The following GOLGA4 variants were observed in gnomAD, a reference collection of about 807,000 sequenced individuals.
GOLGA4 encodes golgin A4, also known as golgin subfamily A member 4.
A neutral mutation model predicts 265.9 loss-of-function variants in GOLGA4; 169 were observed. That is an observed-to-expected ratio of 0.64 (90% CI 0.56 to 0.72). The LOEUF (loss-of-function observed/expected upper bound fraction) is 0.72, where lower values mean the gene tolerates loss of function less well. Among genes scored for constraint, GOLGA4 ranks in the 30% least tolerant of loss-of-function variants. The probability of loss-of-function intolerance (pLI) is 0.00; values close to 1 mark genes in which losing one functional copy is unlikely to be tolerated. For missense variants in GOLGA4, 2,482 were observed against 2,483.4 expected (o/e 1.00, Z 0.01); for synonymous variants, 923 against 855.8 (o/e 1.08, Z -1.37).
rs2096982023 is a variant in GOLGA4, at chr3:37,329,148, A to G, written c.6192+55A>G. The G allele has an allele frequency of 5.0e-6, 7 of 1,397,004 alleles. 1 individual carries two copies. In the South Asian group the frequency reaches 9.7e-5, roughly 19 times the overall value. 86.5% of individuals were successfully genotyped at this position (1,397,004 alleles called of 1,614,324 possible). A position where few individuals can be genotyped will look rare whatever the true frequency, so the allele number is the denominator to read the frequency against. ...TTGAAATTTAGCTGTAATAGATTTC[A>G]TGGTAGTGCCAAAGATTTCCTTTTC... On this transcript the variant is annotated intron_variant, in intron 16 of 23. Transcript: ENST00000361924.
chr3:37,350,404 C>T (rs2097070147), intron 21 of GOLGA4, among the ~76,000 whole-genome samples: 1 of 152,134 alleles, frequency 6.6e-6, no homozygotes, highest in Admixed American at 6.6e-5. Context: ...CTTGTGCATG[C>T]ATGTATATGT....
chr3:37,322,812 T>G (rs569164764), intron 13 of GOLGA4, among the ~76,000 whole-genome samples: 1 of 152,140 alleles, frequency 6.6e-6, no homozygotes, highest in South Asian at 2.1e-4. Flanking sequence ...AAAATTCATA[T>G]AAGTTCCTTC....
chr3:37,258,918 T>A (rs572128645), intron 2 of GOLGA4, among the ~76,000 whole-genome samples: 1 of 152,298 alleles, frequency 6.6e-6, no homozygotes, highest in Admixed American at 6.5e-5. Context: ...TGTGTCTATA[T>A]TCATAAGAGA....
intron 9 of GOLGA4, among the ~76,000 whole-genome samples, chr3:37,301,608 GTAA>G (rs1218673457): frequency 2.0e-5 from 3 of 152,144 alleles, no homozygotes; most frequent in Admixed American, 6.5e-5. Flanking sequence ...AATCTTTTAA[GTAA>G]TAATGTTTTA....
chr3:37,311,154 A>AT (rs2096922221), intron 10 of GOLGA4, among the ~76,000 whole-genome samples: 1 of 152,122 alleles, frequency 6.6e-6, no homozygotes, highest in East Asian at 1.9e-4. Flanking sequence ...CTTTAAACAT[A>AT]GTGATGAGAC....
intron 10 of GOLGA4, among the ~76,000 whole-genome samples, chr3:37,314,565 C>T (rs933777208): frequency 4.0e-5 from 6 of 151,552 alleles, no homozygotes; most frequent in Non-Finnish European, 5.9e-5. Flanking sequence ...TGCTTGAACC[C>T]GCGAGGCAGA....
intron 17 of GOLGA4, among the ~76,000 whole-genome samples, chr3:37,336,450 T>A (rs1236525619): frequency 2.0e-5 from 3 of 152,042 alleles, no homozygotes; most frequent in Non-Finnish European, 4.4e-5. Flanking sequence ...CCTTGTGTCC[T>A]AAGAAAGGTA....
intron 1 of GOLGA4, chr3:37,250,579 CT>C (rs2096731130): frequency 6.6e-6 from 1 of 152,060 alleles, no homozygotes; most frequent in Non-Finnish European, 1.5e-5. Context: ...TATTAACTGC[CT>C]TTTGTAAAGT....
At chr3:37,304,383 A>G (rs2096900868) in intron 10 of GOLGA4, among the ~76,000 whole-genome samples, 1 of 152,174 alleles carries the variant, frequency 6.6e-6, no homozygotes, top group South Asian at 2.1e-4. Context: ...TAGTTAATGA[A>G]TTTGTTCTCA....
intron 1 of GOLGA4, among the ~76,000 whole-genome samples, chr3:37,248,014 A>C (rs1253397388): frequency 1.3e-5 from 2 of 152,236 alleles, no homozygotes; most frequent in African/African-American, 4.8e-5. Flanking sequence ...TAGTAACCTT[A>C]AATATGCCTT....
Position 37,327,182 on chromosome 3 carries a change from C to T in GOLGA4, c.5296C>T (p.His1766Tyr). The change falls in exon 14 of 24, where the codon CAT becomes TAT. Residue 1766 changes from histidine (H) to tyrosine (Y), a missense_variant. His to Tyr is a moderately conservative substitution (Grantham distance 83). Around this residue, in one of 3 missense-constraint regions of GOLGA4, gnomAD observed 942 missense variants for 983.1 expected, o/e 0.96. Coordinates refer to ENST00000361924, the MANE Select transcript of GOLGA4 (RefSeq NM_002078.5). ...GGAAAAAGAAGAGACAGTTTCTTCT[C>T]ATTTTGAAATGCGATGCCAATACCA... ...GQEKEETVSS[H>Y]FEMRCQYQER... 6.2e-7 allele frequency: 1 copy of T among 1,613,782 alleles called. No homozygotes were observed. Among genetic ancestry groups the T allele is most frequent in the Non-Finnish European group, 8.5e-7 (1 of 1,179,806 alleles).
At chr3:37,335,399 A>G (rs2097007480) in intron 17 of GOLGA4, among the ~76,000 whole-genome samples, 1 of 152,182 alleles carries the variant, frequency 6.6e-6, no homozygotes, top group Admixed American at 6.5e-5. Context: ...AATCTACTAG[A>G]CCTCAAAGCC....
chr3:37,253,702 A>T (rs564710629), intron 2 of GOLGA4, among the ~76,000 whole-genome samples: 214 of 152,204 alleles, frequency 1.4e-3, no homozygotes, highest in African/African-American at 4.5e-3. Context: ...AGCATCCTAG[A>T]TTTTTAAAAA....
In GOLGA4 at chr3:37,267,492, G is replaced by A. The variant is rs569291151; in HGVS notation, c.163-14466G>A. Among the ~76,000 whole-genome samples the A allele has an allele frequency of 1.8e-4, 27 of 152,228 alleles. No homozygotes were observed. In the Middle Eastern group the frequency reaches 0.017, roughly 96 times the overall value. ...TCTCATTTGTTTTTAAGTGACTGGC[G>A]TCATACGGTTTTGAATCTTGTATGT... On this transcript the variant is annotated intron_variant, in intron 2 of 23. Transcript: ENST00000361924.
At chr3:37,270,612 T>C (rs540340324) in intron 2 of GOLGA4, among the ~76,000 whole-genome samples, 1 of 152,296 alleles carries the variant, frequency 6.6e-6, no homozygotes, top group African/African-American at 2.4e-5. Context: ...AAGCTAAATA[T>C]TTTATGGAGC....
At chr3:37,257,314 TACCTGGAATAAG>T (rs1378226096) in intron 2 of GOLGA4, among the ~76,000 whole-genome samples, 1 of 152,178 alleles carries the variant, frequency 6.6e-6, no homozygotes, top group East Asian at 1.9e-4. Context: ...ACTGTATTAG[TACCTGGAATAAG>T]ACCTGGAATA....
intron 2 of GOLGA4, among the ~76,000 whole-genome samples, chr3:37,263,047 G>A (rs2096774201): frequency 6.6e-6 from 1 of 152,160 alleles, no homozygotes; most frequent in African/African-American, 2.4e-5. Context: ...TTCTAGTCCT[G>A]CCAATCTTCA....
chr3:37,351,420 C>T (rs1004123756), intron 21 of GOLGA4, among the ~76,000 whole-genome samples: 1 of 152,160 alleles, frequency 6.6e-6, no homozygotes, highest in Admixed American at 6.6e-5. Flanking sequence ...TTCCAAACCC[C>T]TGTTAATGTT....
intron 10 of GOLGA4, among the ~76,000 whole-genome samples, chr3:37,309,322 G>A (rs778908089): frequency 2.0e-5 from 3 of 151,818 alleles, no homozygotes; most frequent in African/African-American, 4.8e-5. Flanking sequence ...TTGGGAGGCC[G>A]AGGCGGGCGG....
Sources: allele counts gnomAD v4.1 joint callset (sites outside exome capture counted in the v4.1 genomes callset), GRCh38; gene constraint gnomAD v4.1.1; regional missense constraint gnomAD v4.1.1; transcripts MANE v1.5; gene names NCBI Gene and HGNC (gene_info 2026-07-23, HGNC 2026-07-21).